The following RBFOX1 variants were observed in gnomAD, a reference collection of about 807,000 sequenced individuals.
The protein encoded by RBFOX1 is RNA binding fox-1 homolog 1, also known as RNA binding protein fox-1 homolog 1.
Under a neutral mutation model 57.7 loss-of-function variants are expected in RBFOX1, and 8 were observed. The observed-to-expected ratio is 0.14, with a 90% CI of 0.08 to 0.25. The LOEUF (loss-of-function observed/expected upper bound fraction) is 0.25, where lower values mean the gene tolerates loss of function less well. RBFOX1 is among the 10% of genes least tolerant of loss of function. The probability of loss-of-function intolerance (pLI) is 1.00; values close to 1 mark genes in which losing one functional copy is unlikely to be tolerated. For missense variants in RBFOX1, 611 were observed against 548.5 expected (o/e 1.11, Z -1.14); for synonymous variants, 326 against 222.4 (o/e 1.47, Z -4.15).
intron 3 of RBFOX1, among the ~76,000 whole-genome samples, chr16:6,683,121 A>G (rs974825372): frequency 1.3e-5 from 2 of 152,268 alleles, no homozygotes; most frequent in East Asian, 1.9e-4. Context: ...TTATTTAATG[A>G]TGAAAGAGCT....
intron 2 of RBFOX1, among the ~76,000 whole-genome samples, chr16:5,486,666 G>C (rs894222949): frequency 2.6e-5 from 4 of 152,118 alleles, no homozygotes; most frequent in African/African-American, 9.7e-5. Flanking sequence ...TCTCAGTCTT[G>C]TGCCCTGTCT....
intron 1 of RBFOX1, among the ~76,000 whole-genome samples, chr16:6,173,031 G>C (rs76417785): frequency 0.034 from 5,134 of 152,164 alleles, 281 homozygotes; most frequent in African/African-American, 0.11. Flanking sequence ...GCATTTCTTT[G>C]ATAGTAACAG....
intron 4 of RBFOX1, among the ~76,000 whole-genome samples, chr16:7,201,774 T>G (rs1282187926): frequency 1.3e-5 from 2 of 152,152 alleles, no homozygotes; most frequent in African/African-American, 4.8e-5. Context: ...ATCTGATTCT[T>G]ATTTACAAAG....
chr16:6,108,895 C>T lies in RBFOX1; in HGVS notation c.-127+88903C>T, dbSNP rs560211257. Reference sequence around the variant, plus strand: ...GACGCTTGTGATTGTATTAATATTTCGGACCCACCTAGATAATCCAGAATA... The same window carrying T: ...GACGCTTGTGATTGTATTAATATTTTGGACCCACCTAGATAATCCAGAATA... On this transcript the variant is annotated intron_variant, in intron 1 of 15. Transcript: ENST00000550418. 1.1e-3 allele frequency among the ~76,000 whole-genome samples: 171 copies of T among 152,186 alleles called. 3 individuals carry two copies. The South Asian group carries it at 0.033, about 29-fold the overall frequency.
chr16:6,624,888 C>T (rs1010600915), intron 2 of RBFOX1, among the ~76,000 whole-genome samples: 7 of 152,016 alleles, frequency 4.6e-5, no homozygotes, highest in African/African-American at 1.2e-4. Flanking sequence ...CTGGGCTGGA[C>T]GCGGTTGCTC....
chr16:6,947,340 A>G (rs1276472345), intron 3 of RBFOX1, among the ~76,000 whole-genome samples: 1 of 152,164 alleles, frequency 6.6e-6, no homozygotes, highest in Non-Finnish European at 1.5e-5. Context: ...AAGAGATAAC[A>G]TTATGAAGAC....
intron 3 of RBFOX1, among the ~76,000 whole-genome samples, chr16:7,005,115 G>A (rs1249990370): frequency 6.6e-6 from 1 of 152,088 alleles, no homozygotes; most frequent in Admixed American, 6.6e-5. Context: ...TTGCACTCCA[G>A]CCTGGGTGAC....
intron 3 of RBFOX1, among the ~76,000 whole-genome samples, chr16:5,825,653 A>G (rs1222204857): frequency 6.6e-6 from 1 of 152,180 alleles, no homozygotes; most frequent in African/African-American, 2.4e-5. Flanking sequence ...TACAGCCATC[A>G]CCACTGTCTG....
chr16:6,251,836 G>T (rs574742503), intron 1 of RBFOX1, among the ~76,000 whole-genome samples: 1 of 152,002 alleles, frequency 6.6e-6, no homozygotes, highest in Non-Finnish European at 1.5e-5. Flanking sequence ...AGAGATTTAC[G>T]TCCAGTCTGA....
intron 3 of RBFOX1, among the ~76,000 whole-genome samples, chr16:6,886,215 C>A (rs1047919985): frequency 1.3e-5 from 2 of 151,912 alleles, no homozygotes; most frequent in African/African-American, 2.4e-5. Context: ...GCGTGTGCTA[C>A]CACGCTTAGC....
At chr16:5,668,759 C>A (rs569326562) in intron 3 of RBFOX1, among the ~76,000 whole-genome samples, 1 of 152,280 alleles carries the variant, frequency 6.6e-6, no homozygotes, top group Admixed American at 6.5e-5. Flanking sequence ...GTTTTAGGTG[C>A]CTGGTCTAAC....
At chr16:6,035,404 T>C (rs1056386300) in intron 1 of RBFOX1, among the ~76,000 whole-genome samples, 6 of 152,080 alleles carry the variant, frequency 3.9e-5, no homozygotes, top group African/African-American at 1.4e-4. Context: ...AAGACGGTAT[T>C]ACTCAAACCA....
At position 7,510,218 on chromosome 16, in the gene RBFOX1, G is replaced by A. The variant is rs2074649492; in HGVS notation, c.28-7929G>A. On this transcript the variant is annotated intron_variant, in intron 4 of 15. Coordinates refer to ENST00000550418, the MANE Select transcript of RBFOX1 (RefSeq NM_018723.4). Reference sequence around the variant, plus strand: ...TTGCACAGCGCGCACACCCTCGCTCGTAATTGAGGCGTGCTTGGGGCAGAT... The same window carrying A: ...TTGCACAGCGCGCACACCCTCGCTCATAATTGAGGCGTGCTTGGGGCAGAT... 6 of 985,902 alleles carry A rather than the reference G, an allele frequency of 6.1e-6. No individual in the cohort carries two copies. The South Asian group carries it at 1.9e-4, about 31-fold the overall frequency. The allele number at this position is 985,902 out of a possible 1,614,324, so 61.1% of individuals were successfully genotyped here. A position where few individuals can be genotyped will look rare whatever the true frequency, so the allele number is the denominator to read the frequency against.
intron 3 of RBFOX1, among the ~76,000 whole-genome samples, chr16:6,741,160 A>T (rs1427571047): frequency 2.0e-5 from 3 of 152,208 alleles, no homozygotes; most frequent in Non-Finnish European, 4.4e-5. Flanking sequence ...ACAATTGGCT[A>T]TTTATAGGCA....
chr16:7,006,548 C>T (rs2093311949), intron 3 of RBFOX1, among the ~76,000 whole-genome samples: 1 of 152,030 alleles, frequency 6.6e-6, no homozygotes, highest in Non-Finnish European at 1.5e-5. Flanking sequence ...CTCCTGGGCT[C>T]AAGCAGTCCT....
chr16:5,491,865 A>G (rs930908746), intron 2 of RBFOX1, among the ~76,000 whole-genome samples: 4 of 152,230 alleles, frequency 2.6e-5, no homozygotes, highest in African/African-American at 7.2e-5. Context: ...CAACAGCAAC[A>G]GGTAACAACA....
chr16:6,574,838 A>T lies in RBFOX1; in HGVS notation c.-63-79765A>T, dbSNP rs191450337. ...CGGATCACGAGGTCAGGCGATCCAG[A>T]CCATCCTGGATAACACGGTGAAACC... On this transcript the variant is annotated intron_variant, in intron 2 of 15. Coordinates refer to ENST00000550418, the MANE Select transcript of RBFOX1 (RefSeq NM_018723.4). 1.0e-3 allele frequency among the ~76,000 whole-genome samples: 150 copies of T among 148,762 alleles called. 1 individual carries two copies. The highest frequency in any genetic ancestry group is 3.5e-3 in the African/African-American group (142 of 40,746).
intron 3 of RBFOX1, among the ~76,000 whole-genome samples, chr16:5,707,475 A>C (rs1415776792): frequency 2.0e-5 from 3 of 152,214 alleles, no homozygotes; most frequent in African/African-American, 7.2e-5. Flanking sequence ...AGTAACCACT[A>C]AAGATGCCAG....
rs868385331 is a variant in RBFOX1, at chr16:6,637,559, T to G, written c.-63-17044T>G. On this transcript the variant is annotated intron_variant, in intron 2 of 15. Coordinates refer to ENST00000550418, the MANE Select transcript of RBFOX1 (RefSeq NM_018723.4). Reference sequence around the variant, plus strand: ...GTATATACAATCTGCATAGTATATATAATATTCTATATAGTATATATATAA... The same window carrying G: ...GTATATACAATCTGCATAGTATATAGAATATTCTATATAGTATATATATAA... 1.2e-3 allele frequency among the ~76,000 whole-genome samples: 6 copies of G among 4,822 alleles called. No homozygotes were observed. The Non-Finnish European group carries it at 0.02, about 16-fold the overall frequency. 3.2% of individuals were successfully genotyped at this position (4,822 alleles called of 152,430 possible).
Sources: gnomAD v4.1 joint callset for allele counts (sites outside exome capture counted in the v4.1 genomes callset) on GRCh38, gnomAD v4.1.1 for gene constraint, MANE v1.5 for transcripts, NCBI Gene and HGNC (gene_info 2026-07-23, HGNC 2026-07-21) for gene names.